The following HDAC9 variants were observed in gnomAD, a reference collection of about 807,000 sequenced individuals.
HDAC9 encodes the protein histone deacetylase 9.
Under a neutral mutation model 139.4 loss-of-function variants are expected in HDAC9, and 41 were observed. The ratio of observed to expected loss-of-function variants is 0.29; its 90% CI spans 0.23 to 0.38. The LOEUF (loss-of-function observed/expected upper bound fraction) is 0.38, where lower values mean the gene tolerates loss of function less well. Among genes scored for constraint, HDAC9 ranks in the 10% least tolerant of loss-of-function variants. The pLI is 1.00. For missense variants in HDAC9, 1,147 were observed against 1,297.0 expected, an observed-to-expected ratio of 0.88 and a Z score of 1.78; for synonymous variants, 517 against 476.2, an observed-to-expected ratio of 1.09 and a Z score of -1.12.
chr7:18,513,132 T>C (rs562865682), intron 2 of HDAC9, among the ~76,000 whole-genome samples: 1 of 152,348 alleles, frequency 6.6e-6, no homozygotes, highest in Admixed American at 6.5e-5. Context: ...AATACTGTTG[T>C]TATCCAGTTA....
intron 2 of HDAC9, among the ~76,000 whole-genome samples, chr7:18,532,671 C>T (rs570302026): frequency 6.6e-6 from 1 of 152,092 alleles, no homozygotes; most frequent in African/African-American, 2.4e-5. Context: ...GATCCTATAC[C>T]GTTTTTGTTT....
intron 1 of HDAC9, among the ~76,000 whole-genome samples, chr7:18,304,143 G>A (rs1026641182): frequency 5.9e-5 from 9 of 152,300 alleles, no homozygotes; most frequent in Non-Finnish European, 1.3e-4. Flanking sequence ...ACTATTGTGA[G>A]ATTATACTAT....
At chr7:18,439,262 C>T (rs1791517962) in intron 1 of HDAC9, among the ~76,000 whole-genome samples, 1 of 152,142 alleles carries the variant, frequency 6.6e-6, no homozygotes, top group South Asian at 2.1e-4. Flanking sequence ...CCCTATTCTG[C>T]TTTTTTCTTC....
chr7:18,390,859 C>T (rs1248462240), intron 1 of HDAC9, among the ~76,000 whole-genome samples: 1 of 152,158 alleles, frequency 6.6e-6, no homozygotes, highest in East Asian at 1.9e-4. Flanking sequence ...GAGGCCAAGG[C>T]AGGCAGATCA....
rs1420964198 is a variant in HDAC9, at chr7:18,762,259, G to A, written c.2146G>A (p.Asp716Asn). Residue 716 changes from aspartate to asparagine, a missense_variant, in exon 15 of 26, where the codon GAC (aspartate) becomes AAC (asparagine). Coordinates refer to ENST00000686413, the MANE Select transcript of HDAC9 (RefSeq NM_178425.4). ...CAACCCCCTGGACGGACAGAAGCTG[G>A]ACCCCAGGATACTCCTAGGTCTGTA... ...GTNPLDGQKL[D>N]PRILLGDDSQ... 5 of 1,613,374 alleles carry A rather than the reference G, an allele frequency of 3.1e-6. No homozygotes were observed. The highest frequency in any genetic ancestry group is 4.2e-6 in the Non-Finnish European group (5 of 1,179,662).
chr7:18,727,814 G>A, intron 13 of HDAC9, 57 bp downstream of exon 13: 1 of 1,286,854 alleles, frequency 7.8e-7, no homozygotes, highest in Non-Finnish European at 1.0e-6. Context: ...GTTCTTGTAG[G>A]ATTAACCGAT....
intron 1 of HDAC9, among the ~76,000 whole-genome samples, chr7:18,451,349 C>A (rs1792801574): frequency 7.1e-6 from 1 of 141,840 alleles, no homozygotes; most frequent in South Asian, 2.2e-4. Context: ...CTGAATGGAC[C>A]AAGACACATG....
chr7:18,594,476 TGTG>T (rs1831905904), intron 6 of HDAC9, among the ~76,000 whole-genome samples: 1 of 152,064 alleles, frequency 6.6e-6, no homozygotes, highest in Non-Finnish European at 1.5e-5. Context: ...TAATTGTTTT[TGTG>T]GTGAAAGCAG....
At chr7:18,796,692 G>A (rs571572555) in intron 17 of HDAC9, among the ~76,000 whole-genome samples, 1 of 152,202 alleles carries the variant, frequency 6.6e-6, no homozygotes, top group African/African-American at 2.4e-5. Flanking sequence ...TTGGTGTATT[G>A]GAAATCATAA....
intron 22 of HDAC9, among the ~76,000 whole-genome samples, chr7:18,900,782 C>A (rs1441022533): frequency 6.6e-6 from 1 of 152,036 alleles, no homozygotes; most frequent in Non-Finnish European, 1.5e-5. Context: ...TGACATAAAG[C>A]AATAAGAAGT....
At chr7:18,513,698 A>G (rs771363081) in intron 2 of HDAC9, among the ~76,000 whole-genome samples, 2 of 152,220 alleles carry the variant, frequency 1.3e-5, no homozygotes, top group African/African-American at 2.4e-5. Context: ...GAGATAGGTA[A>G]TCTAGCTGTC....
At chr7:18,144,023 C>T (rs1786106822) in intron 1 of HDAC9, among the ~76,000 whole-genome samples, 2 of 152,104 alleles carry the variant, frequency 1.3e-5, no homozygotes, top group South Asian at 4.1e-4. Flanking sequence ...TCTTCATACC[C>T]TCACGTCTAT....
intron 1 of HDAC9, among the ~76,000 whole-genome samples, chr7:18,459,584 A>G (rs898022652): frequency 2.0e-5 from 3 of 152,032 alleles, no homozygotes; most frequent in African/African-American, 4.8e-5. Context: ...TTAGCCTTCA[A>G]TTTTTGCTCC....
intron 2 of HDAC9, among the ~76,000 whole-genome samples, chr7:18,566,090 A>G (rs1822247071): frequency 1.3e-5 from 2 of 152,222 alleles, no homozygotes; most frequent in African/African-American, 4.8e-5. Context: ...CAAAAAGTAG[A>G]TATTTTTGTG....
intron 2 of HDAC9, among the ~76,000 whole-genome samples, chr7:18,266,206 GA>G (rs1795987557): frequency 1.3e-5 from 2 of 152,048 alleles, no homozygotes; most frequent in Admixed American, 6.6e-5. Context: ...TATCTCATTA[GA>G]AAATTCTAAG....
chr7:18,856,800 G>T (rs563441647), intron 21 of HDAC9, among the ~76,000 whole-genome samples: 2 of 151,992 alleles, frequency 1.3e-5, no homozygotes, highest in African/African-American at 4.8e-5. Flanking sequence ...ATGTAACATC[G>T]ATTTGGGTCT....
intron 12 of HDAC9, chr7:18,667,332 T>C: frequency 1.0e-6 from 1 of 984,806 alleles, no homozygotes; most frequent in Non-Finnish European, 1.2e-6. Context: ...AGGATGAATA[T>C]TATCTGATAT....
At chr7:18,183,200 G>A (rs6957513) in intron 2 of HDAC9, among the ~76,000 whole-genome samples, 40,311 of 151,740 alleles carry the variant, frequency 0.27, 5,591 homozygotes, top group East Asian at 0.36. Flanking sequence ...TAGTAGAGAC[G>A]GGGTTTCACC....
intron 6 of HDAC9, among the ~76,000 whole-genome samples, chr7:18,609,667 CA>C (rs1203149442): frequency 2.6e-4 from 39 of 152,040 alleles, no homozygotes; most frequent in Non-Finnish European, 7.4e-5. Flanking sequence ...TTGTAGGGTA[CA>C]TGTGCACAAC....
Sources: allele counts gnomAD v4.1 joint callset (sites outside exome capture counted in the v4.1 genomes callset), GRCh38; gene constraint gnomAD v4.1.1; transcripts MANE v1.5; gene names NCBI Gene and HGNC (gene_info 2026-07-23, HGNC 2026-07-21).